Variants in IFT80 observed in about 807,000 individuals in gnomAD.
IFT80 encodes the protein intraflagellar transport protein 80 homolog.
IFT80 carries 79 observed loss-of-function variants against 107.9 expected under a neutral mutation model. That is an observed-to-expected ratio of 0.73 (90% CI 0.61 to 0.88). IFT80 has a LOEUF of 0.88. IFT80 is among the 40% of genes least tolerant of loss of function. IFT80 has a pLI of 0.00. For missense variants in IFT80, 797 were observed against 914.2 expected (o/e 0.87, Z 1.65); for synonymous variants, 299 against 300.9 (o/e 0.99, Z 0.07).
intron 19 of IFT80, among the ~76,000 whole-genome samples, chr3:160,267,893 A>C (rs2108208806): frequency 6.6e-6 from 1 of 152,238 alleles, no homozygotes; most frequent in East Asian, 1.9e-4. Context: ...TAGAGTAATA[A>C]AATCTGAGAT....
chr3:160,282,680 A>C, intron 13 of IFT80, 67 bp from the exon 14 acceptor site: 2 of 930,456 alleles, frequency 2.1e-6, no homozygotes, highest in Non-Finnish European at 3.4e-6. Flanking sequence ...ATTTTAATTA[A>C]TTATAAAATC....
intron 9 of IFT80, among the ~76,000 whole-genome samples, chr3:160,312,611 TAAA>T (rs1193383131): frequency 4.2e-5 from 3 of 70,858 alleles, no homozygotes; most frequent in Admixed American, 4.7e-4. Flanking sequence ...ATATTATATA[TAAA>T]TATATAATAT....
At chr3:160,265,627 T>C (rs114013097) in intron 19 of IFT80, among the ~76,000 whole-genome samples, 2,101 of 152,290 alleles carry the variant, frequency 0.014, 24 homozygotes, top group Non-Finnish European at 0.021. Context: ...AAAACAGTAC[T>C]CCTTGTAAAA....
At chr3:160,280,003 C>T (rs1413963125) in intron 15 of IFT80, among the ~76,000 whole-genome samples, 5 of 151,982 alleles carry the variant, frequency 3.3e-5, no homozygotes, top group African/African-American at 9.7e-5. Context: ...TTTAAAAATA[C>T]GCTGTTTTAT....
At chr3:160,263,288 C>T (rs1559907751) in intron 19 of IFT80, among the ~76,000 whole-genome samples, 1 of 152,132 alleles carries the variant, frequency 6.6e-6, no homozygotes, top group Non-Finnish European at 1.5e-5. Flanking sequence ...GTACCCTTTC[C>T]ATTTCCTAAT....
chr3:160,302,067 T>C (rs929160965), intron 11 of IFT80, among the ~76,000 whole-genome samples: 1 of 152,054 alleles, frequency 6.6e-6, no homozygotes. Context: ...AAAAGTTGTA[T>C]TGATTTACAC....
At chr3:160,353,542 C>T (rs1273411692) in intron 8 of IFT80, among the ~76,000 whole-genome samples, 2 of 152,184 alleles carry the variant, frequency 1.3e-5, no homozygotes, top group Non-Finnish European at 2.9e-5. Context: ...ACAAAAAGCA[C>T]CATACTCTTT....
At chr3:160,283,420 C>G (rs186655460) in intron 13 of IFT80, among the ~76,000 whole-genome samples, 16 of 152,210 alleles carry the variant, frequency 1.1e-4, no homozygotes, top group Admixed American at 6.5e-4. Context: ...TCAAAATGTA[C>G]TATAAAAAAC....
chr3:160,288,831 A>G (rs955393458), intron 12 of IFT80, among the ~76,000 whole-genome samples: 1 of 152,222 alleles, frequency 6.6e-6, no homozygotes, highest in Non-Finnish European at 1.5e-5. Flanking sequence ...ATTTGTGGAG[A>G]AAAGGGAATA....
At chr3:160,376,524 T>C (rs552724230) in intron 4 of IFT80, among the ~76,000 whole-genome samples, 10 of 152,324 alleles carry the variant, frequency 6.6e-5, no homozygotes, top group Admixed American at 3.3e-4. Flanking sequence ...ACAGTATAGG[T>C]ATGGTGGTTT....
At chr3:160,304,428 A>AT (rs1260855438) in intron 10 of IFT80, among the ~76,000 whole-genome samples, 2 of 134,462 alleles carry the variant, frequency 1.5e-5, no homozygotes, top group Non-Finnish European at 3.2e-5. Flanking sequence ...CAGCCACTTG[A>AT]TTTTTTCTTT....
At chr3:160,299,182 G>C (rs759801977) in intron 12 of IFT80, 294 of 1,005,270 alleles carry the variant, frequency 2.9e-4, no homozygotes, top group Non-Finnish European at 3.2e-4. Context: ...CTGCCATCTG[G>C]ATACTATATT....
chr3:160,337,862 G>T (rs571684406), intron 8 of IFT80, among the ~76,000 whole-genome samples: 26 of 151,976 alleles, frequency 1.7e-4, no homozygotes, highest in African/African-American at 5.6e-4. Flanking sequence ...TAGCCATCTG[G>T]GTCAATTTTC....
intron 16 of IFT80, 128 bp from the exon 17 acceptor site, chr3:160,277,798 T>C: frequency 1.5e-6 from 1 of 652,928 alleles, no homozygotes; most frequent in Admixed American, 2.7e-5. Context: ...AGCAGGGCAT[T>C]AAAAAAAACT....
At chr3:160,284,074 A>G (rs890195729) in intron 13 of IFT80, among the ~76,000 whole-genome samples, 4 of 152,178 alleles carry the variant, frequency 2.6e-5, no homozygotes, top group Non-Finnish European at 5.9e-5. Context: ...TGATTTTTCT[A>G]TTATTTTATA....
intron 14 of IFT80, among the ~76,000 whole-genome samples, 159 bp downstream of exon 14, chr3:160,282,319 T>C (rs983766207): frequency 6.6e-6 from 1 of 152,160 alleles, no homozygotes; most frequent in Non-Finnish European, 1.5e-5. Context: ...AGCTTTTTAA[T>C]AAACTTTCAC....
chr3:160,331,612 CTA>C (rs1719091783), intron 8 of IFT80, among the ~76,000 whole-genome samples: 1 of 152,030 alleles, frequency 6.6e-6, no homozygotes, highest in Non-Finnish European at 1.5e-5. Flanking sequence ...GGTATAACCA[CTA>C]TGTTTGATGG....
Position 160,312,986 on chromosome 3 carries a change from A to T in IFT80, c.958-5205T>A, listed in dbSNP as rs536797335. Among the ~76,000 whole-genome samples, 499 of 73,428 alleles carry T rather than the reference A, an allele frequency of 6.8e-3. 5 individuals carry two copies. Among genetic ancestry groups the T allele is most frequent in the Non-Finnish European group, 8.3e-3 (354 of 42,846 alleles). The allele number at this position is 73,428 out of a possible 152,430, so 48.2% of individuals were successfully genotyped here. On this transcript the variant is annotated intron_variant, in intron 9 of 19. Coordinates refer to ENST00000326448, the MANE Select transcript of IFT80 (RefSeq NM_020800.3). The stretch of plus-strand genomic sequence containing the variant: ...AATATATAATATATAATATATAATA[A>T]ATATATATTATATATAAATTAATAT...
chr3:160,337,131 T>C (rs1475174975), intron 8 of IFT80, among the ~76,000 whole-genome samples: 1 of 152,174 alleles, frequency 6.6e-6, no homozygotes, highest in East Asian at 1.9e-4. Context: ...ATACATACTA[T>C]GCTGTATCTT....
Sources: gnomAD v4.1 joint callset for allele counts (sites outside exome capture counted in the v4.1 genomes callset) on GRCh38, gnomAD v4.1.1 for gene constraint, MANE v1.5 for transcripts, NCBI Gene and HGNC (gene_info 2026-07-23, HGNC 2026-07-21) for gene names.